CNBD1: variants seen among roughly 807,000 people sequenced by gnomAD.
CNBD1 encodes the protein cyclic nucleotide-binding domain-containing protein 1.
A neutral mutation model predicts 54.4 loss-of-function variants in CNBD1; 71 were observed. That is an observed-to-expected ratio of 1.30 (90% CI 1.08 to 1.59). CNBD1 has a LOEUF of 1.59. CNBD1 is among the 40% of genes most tolerant of loss of function. The pLI is 0.00. For missense variants in CNBD1, 659 were observed against 518.0 expected (o/e 1.27, Z -2.64); for synonymous variants, 182 against 170.7 (o/e 1.07, Z -0.51).
intron 10 of CNBD1, among the ~76,000 whole-genome samples, chr8:87,362,985 C>T (rs1810553894): frequency 6.6e-6 from 1 of 151,948 alleles, no homozygotes; most frequent in Non-Finnish European, 1.5e-5. Flanking sequence ...GGTATTTCTC[C>T]TAATGCTATC....
chr8:86,871,479 G>T (rs1165350108), intron 1 of CNBD1, among the ~76,000 whole-genome samples: 4 of 152,156 alleles, frequency 2.6e-5, no homozygotes, highest in Non-Finnish European at 4.4e-5. Flanking sequence ...AGCTGTCAGG[G>T]TCCTACTCTC....
At chr8:87,314,157 A>G (rs979761603) in intron 8 of CNBD1, among the ~76,000 whole-genome samples, 1 of 151,988 alleles carries the variant, frequency 6.6e-6, no homozygotes, top group African/African-American at 2.4e-5. Flanking sequence ...GACAAAGATA[A>G]TATAAAAAAA....
chr8:87,217,447 G>A (rs1197335886), intron 5 of CNBD1, among the ~76,000 whole-genome samples: 1 of 151,868 alleles, frequency 6.6e-6, no homozygotes, highest in African/African-American at 2.4e-5. Flanking sequence ...TCAGAATGAG[G>A]ATTTCAGAAA....
At position 87,273,158 on chromosome 8, in the gene CNBD1, G is replaced by A. The variant is rs140904503; in HGVS notation, c.772-11520G>A. 2.1e-4 allele frequency among the ~76,000 whole-genome samples: 32 copies of A among 151,846 alleles called. No homozygotes were observed. In the East Asian group the frequency reaches 6.2e-3, roughly 29 times the overall value. ...GATTATATAACAGTAGTACAGTAAC[G>A]GCAATACAGAGAACCAATAATGTTT... is the stretch of plus-strand genomic sequence containing the variant. On this transcript the variant is annotated intron_variant, in intron 6 of 10. Transcript: ENST00000518476.
At chr8:86,941,260 T>A (rs1490627369) in intron 4 of CNBD1, among the ~76,000 whole-genome samples, 1 of 152,206 alleles carries the variant, frequency 6.6e-6, no homozygotes, top group Non-Finnish European at 1.5e-5. Context: ...AAATTAAACT[T>A]GTAAGCTGAA....
chr8:87,419,470 A>C (rs965914586), intron 2 of CNBD1, among the ~76,000 whole-genome samples: 44 of 151,974 alleles, frequency 2.9e-4, no homozygotes, highest in African/African-American at 1.0e-3. Context: ...AAAGACAATA[A>C]GAATGCATAA....
intron 4 of CNBD1, among the ~76,000 whole-genome samples, chr8:87,179,011 G>A (rs1439124814): frequency 2.6e-5 from 4 of 152,242 alleles, no homozygotes; most frequent in East Asian, 3.9e-4. Context: ...GGGTTCAAGC[G>A]ATTCTCCTGC....
chr8:87,412,848 G>A (rs992011961), intron 2 of CNBD1, among the ~76,000 whole-genome samples: 4 of 152,050 alleles, frequency 2.6e-5, no homozygotes, highest in Non-Finnish European at 1.5e-5. Context: ...TTACATTCTT[G>A]TGAGGCTCTT....
At chr8:87,372,854 G>A (rs982898694) in intron 10 of CNBD1, among the ~76,000 whole-genome samples, 9 of 151,638 alleles carry the variant, frequency 5.9e-5, no homozygotes, top group Non-Finnish European at 1.0e-4. Context: ...ATAAGCCATG[G>A]TATTTTCCAC....
chr8:87,369,264 T>A (rs1201253975), intron 10 of CNBD1, among the ~76,000 whole-genome samples: 1 of 152,056 alleles, frequency 6.6e-6, no homozygotes, highest in Non-Finnish European at 1.5e-5. Context: ...TGAACTCAAG[T>A]GTAAGATTTG....
intron 6 of CNBD1, among the ~76,000 whole-genome samples, chr8:87,255,950 A>G (rs1216386657): frequency 7.9e-6 from 1 of 125,932 alleles, no homozygotes; most frequent in East Asian, 2.5e-4. Flanking sequence ...TATATAAAAT[A>G]CTCATATGAT....
chr8:87,408,388 CAT>C lies in CNBD1; in HGVS notation c.214-20153_214-20152del, dbSNP rs1236989460. On this transcript the variant is annotated intron_variant, in intron 2 of 7. Transcript: ENST00000521593. ...ATTTCTGTTGCTTTATTTTTAGATA[CAT>C]ATATGTGTGTGTGTGTGTGTATAGA... 1.3e-3 allele frequency among the ~76,000 whole-genome samples: 196 copies of C among 150,568 alleles called. 1 individual carries two copies. Among genetic ancestry groups the C allele is most frequent in the African/African-American group, 4.2e-3 (169 of 40,612 alleles).
intron 8 of CNBD1, among the ~76,000 whole-genome samples, chr8:87,292,362 G>A (rs961499701): frequency 2.0e-5 from 3 of 152,178 alleles, no homozygotes; most frequent in Non-Finnish European, 4.4e-5. Context: ...TTGAAAGTCT[G>A]TTCTCTTCAG....
At chr8:86,929,692 G>T (rs1379730818) in intron 3 of CNBD1, among the ~76,000 whole-genome samples, 1 of 152,146 alleles carries the variant, frequency 6.6e-6, no homozygotes, top group Admixed American at 6.5e-5. Context: ...TGGTATCTAA[G>T]CAGGCAGTTG....
intron 4 of CNBD1, among the ~76,000 whole-genome samples, chr8:87,040,057 T>C (rs1004349066): frequency 9.4e-4 from 135 of 143,078 alleles, no homozygotes; most frequent in African/African-American, 3.2e-3. Context: ...TGATGTTATC[T>C]CCAGGAGCAA....
intron 6 of CNBD1, among the ~76,000 whole-genome samples, chr8:87,266,360 G>C (rs74718277): frequency 2.8e-5 from 4 of 142,836 alleles, no homozygotes; most frequent in African/African-American, 1.0e-4. Context: ...TTAATACTGG[G>C]CACTAGCGAC....
intron 4 of CNBD1, among the ~76,000 whole-genome samples, chr8:87,084,612 G>C (rs564384127): frequency 6.6e-6 from 1 of 151,702 alleles, no homozygotes; most frequent in Non-Finnish European, 1.5e-5. Flanking sequence ...CTGCTTTCAA[G>C]ATTTTCACTT....
At chr8:87,121,868 G>A (rs1372851946) in intron 4 of CNBD1, among the ~76,000 whole-genome samples, 2 of 151,360 alleles carry the variant, frequency 1.3e-5, no homozygotes, top group Middle Eastern at 6.3e-3. Context: ...TTTTAAGGCT[G>A]TATAGTATTG....
chr8:87,228,578 TGAG>T (rs1003443810), intron 5 of CNBD1, among the ~76,000 whole-genome samples: 1 of 150,800 alleles, frequency 6.6e-6, no homozygotes. Flanking sequence ...GGGACCCACT[TGAG>T]GAGGCAGTCC....
Sources: allele counts gnomAD v4.1 joint callset (sites outside exome capture counted in the v4.1 genomes callset), GRCh38; gene constraint gnomAD v4.1.1; transcripts MANE v1.5; gene names NCBI Gene and HGNC (gene_info 2026-07-23, HGNC 2026-07-21).